The following AIMP1 variants were observed in gnomAD, a reference collection of about 807,000 sequenced individuals.
The protein encoded by AIMP1 is aminoacyl tRNA synthetase complex interacting multifunctional protein 1, also known as aminoacyl tRNA synthase complex-interacting multifunctional protein 1.
In AIMP1, 24 loss-of-function variants were observed where a neutral mutation model predicts 33.1. That is an observed-to-expected ratio of 0.73 (90% confidence interval 0.53 to 1.02). The LOEUF (loss-of-function observed/expected upper bound fraction) is 1.02. Ranked by LOEUF, AIMP1 falls within the 50% of genes least tolerant of loss-of-function variation. AIMP1 has a pLI of 0.00. For synonymous variants in AIMP1, 120 were observed against 121.5 expected (o/e 0.99, Z 0.08); for missense variants, 367 against 364.8 (o/e 1.01, Z -0.05).
chr4:106,319,960 C>A (rs1054468744), intron 1 of AIMP1, among the ~76,000 whole-genome samples: 1 of 152,192 alleles, frequency 6.6e-6, no homozygotes, highest in African/African-American at 2.4e-5. Context: ...CTATGTATTA[C>A]ATGAGGCAAA....
At chr4:106,337,650 A>G (rs746041544) in intron 6 of AIMP1, among the ~76,000 whole-genome samples, 25 of 152,300 alleles carry the variant, frequency 1.6e-4, no homozygotes, top group Non-Finnish European at 2.2e-4. Context: ...GGTAGTAGGG[A>G]CACTGCTGTA....
At position 106,336,967 on chromosome 4, in the gene AIMP1, GA is replaced by G. The variant is rs1287521576; in HGVS notation, c.706del (p.Ile236LeufsTer29). ...AMVMCASSPE[K>X]IEILAPPNGS... Reference sequence around the variant, plus strand: ...TGGTCATGTGTGCTAGTTCACCAGAGAAAATTGAAATCTTGGCTCCTCCAAA... The same window carrying G: ...TGGTCATGTGTGCTAGTTCACCAGAGAAATTGAAATCTTGGCTCCTCCAAA... On this transcript the variant is annotated frameshift_variant, in exon 6 of 7. Transcript: ENST00000672341. LOFTEE classifies it high-confidence loss of function. 18 of 1,614,106 alleles carry G rather than the reference GA, an allele frequency of 1.1e-5. No individual in the cohort carries two copies. Among genetic ancestry groups the G allele is most frequent in the Non-Finnish European group, 1.5e-5 (18 of 1,179,990 alleles).
rs1021789072 is a variant in AIMP1, at chr4:106,347,747, A to C, written c.*55A>C. On this transcript the variant is annotated 3_prime_UTR_variant, in exon 7 of 7. Transcript: ENST00000672341. Reference sequence around the variant, plus strand: ...AAAACCTTAAAAGTAATAAAGAGAAATATATTTGTCACTTATACCTAAAAT... The same window carrying C: ...AAAACCTTAAAAGTAATAAAGAGAACTATATTTGTCACTTATACCTAAAAT... 7 of 1,558,248 alleles carry C rather than the reference A, an allele frequency of 4.5e-6. No individual in the cohort carries two copies. The African/African-American group carries it at 9.6e-5, about 21-fold the overall frequency.
At chr4:106,326,424 A>T (rs1241933795) in intron 2 of AIMP1, among the ~76,000 whole-genome samples, 2 of 152,172 alleles carry the variant, frequency 1.3e-5, no homozygotes, top group Admixed American at 1.3e-4. Flanking sequence ...TGCCAGTACT[A>T]ACAATCAAAA....
At chr4:106,336,491 T>A (rs1409412105) in intron 5 of AIMP1, among the ~76,000 whole-genome samples, 3 of 152,218 alleles carry the variant, frequency 2.0e-5, no homozygotes, top group African/African-American at 7.2e-5. Context: ...ATTTAATCCT[T>A]ATGACAACTC....
chr4:106,335,484 G>T lies in AIMP1; in HGVS notation c.604-1385G>T, dbSNP rs562882293. On this transcript the variant is annotated intron_variant, in intron 5 of 6. Transcript: ENST00000672341. ...ACTAGTAAACATTCTATAAAGTAGG[G>T]ACACTTAGAATTCAAAATTATATAC... 5.9e-5 allele frequency among the ~76,000 whole-genome samples: 9 copies of T among 151,988 alleles called. No individual in the cohort carries two copies. The South Asian group carries it at 1.9e-3, about 32-fold the overall frequency.
At chr4:106,325,173 T>C in intron 2 of AIMP1, 55 bp downstream of exon 2, 1 of 1,451,570 alleles carries the variant, frequency 6.9e-7, no homozygotes, top group Non-Finnish European at 9.5e-7. Context: ...CATACATTGA[T>C]GGAGAAAAAA....
intron 1 of AIMP1, among the ~76,000 whole-genome samples, chr4:106,317,508 A>G (rs1037838730): frequency 6.6e-6 from 1 of 152,186 alleles, no homozygotes; most frequent in East Asian, 1.9e-4. Context: ...GTGGTAGGAG[A>G]AAGGAGACCA....
At chr4:106,345,851 A>AAATATAAAATATATTTTATATTCCT (rs1561034286) in intron 6 of AIMP1, among the ~76,000 whole-genome samples, 6 of 148,272 alleles carry the variant, frequency 4.0e-5, no homozygotes, top group Non-Finnish European at 8.9e-5. Context: ...TATAAAATAT[A>AAATATAAAATATATTTTATATTCCT]AATATAAAAT....
At chr4:106,347,287 TATA>T (rs1283552706) in intron 6 of AIMP1, among the ~76,000 whole-genome samples, 1 of 152,118 alleles carries the variant, frequency 6.6e-6, no homozygotes, top group Non-Finnish European at 1.5e-5. Flanking sequence ...ACTTATAAAA[TATA>T]AGAGTAAAAT....
chr4:106,326,676 CTTGTG>C (rs1769463162), intron 2 of AIMP1, among the ~76,000 whole-genome samples: 1 of 151,956 alleles, frequency 6.6e-6, no homozygotes, highest in Non-Finnish European at 1.5e-5. Flanking sequence ...ATAGTTTTTG[CTTGTG>C]TGGTAACATC....
chr4:106,338,611 A>T (rs548117167), intron 6 of AIMP1, among the ~76,000 whole-genome samples: 9 of 152,160 alleles, frequency 5.9e-5, no homozygotes, highest in Non-Finnish European at 1.0e-4. Context: ...TCCTGGCAGA[A>T]ATTTGCTCTA....
intron 4 of AIMP1, among the ~76,000 whole-genome samples, chr4:106,331,078 A>C (rs1769655576): frequency 6.6e-6 from 1 of 152,214 alleles, no homozygotes; most frequent in African/African-American, 2.4e-5. Context: ...GAAATGGAGA[A>C]ATTAATTATG....
At position 106,328,100 on chromosome 4, in the gene AIMP1, G is replaced by A. The variant is rs749204548; in HGVS notation, c.248G>A (p.Gly83Asp). 4.8e-5 allele frequency: 78 copies of A among 1,612,802 alleles called. No homozygotes were observed. Among genetic ancestry groups the A allele is most frequent in the Admixed American group, 1.0e-4 (6 of 59,922 alleles). Residue 83 changes from glycine (G) to aspartate (D), a missense_variant, in exon 4 of 7, where the codon GGT (glycine) becomes GAT (aspartate). By Grantham distance (94) the Gly-to-Asp change is moderately conservative (BLOSUM62 -1). Coordinates refer to ENST00000672341, the MANE Select transcript of AIMP1 (RefSeq NM_001142416.2). Reference sequence around the variant, plus strand: ...GTGAAGCAAATACCATTTCCATCTGGTACTCCACTGCACGCTAATTCTATG... The same window carrying A: ...GTGAAGCAAATACCATTTCCATCTGATACTCCACTGCACGCTAATTCTATG... ...NGVKQIPFPS[G>D]TPLHANSMVS...
chr4:106,334,692 T>C (rs1021557119), intron 5 of AIMP1, among the ~76,000 whole-genome samples: 2 of 151,944 alleles, frequency 1.3e-5, no homozygotes, highest in Non-Finnish European at 2.9e-5. Context: ...AAGAGAAAAA[T>C]AGGGAAAGAA....
rs576749367 is a variant in AIMP1, at chr4:106,337,670, G to C, written c.772+633G>C. Among the ~76,000 whole-genome samples the C allele has an allele frequency of 3.9e-5, 6 of 152,316 alleles. No homozygotes were observed. The South Asian group carries it at 1.2e-3, about 32-fold the overall frequency. On this transcript the variant is annotated intron_variant, in intron 6 of 6. Coordinates refer to ENST00000672341, the MANE Select transcript of AIMP1 (RefSeq NM_001142416.2). ...TAGGGACACTGCTGTAAAGATATCC[G>C]AAAGTGTGGAAGCGACTTTGGAACT...
chr4:106,346,721 A>T (rs1049856148), intron 6 of AIMP1, among the ~76,000 whole-genome samples: 1 of 152,214 alleles, frequency 6.6e-6, no homozygotes, highest in Admixed American at 6.6e-5. Context: ...ATTTTGAAAC[A>T]TATTAAAGCA....
chr4:106,324,548 C>G (rs1769390831), intron 1 of AIMP1, among the ~76,000 whole-genome samples: 1 of 151,684 alleles, frequency 6.6e-6, no homozygotes, highest in African/African-American at 2.4e-5. Context: ...ACGTTTTCTT[C>G]TTGAAAATTG....
At chr4:106,347,504 G>C in intron 6 of AIMP1, 22 bp from the exon 7 acceptor site, 2 of 1,602,958 alleles carry the variant, frequency 1.2e-6, no homozygotes, top group Non-Finnish European at 1.7e-6. Flanking sequence ...TAATTTTCTT[G>C]TGCTTTTTTT....
Sources: allele counts gnomAD v4.1 joint callset (sites outside exome capture counted in the v4.1 genomes callset), GRCh38; gene constraint gnomAD v4.1.1; transcripts MANE v1.5; gene names NCBI Gene and HGNC (gene_info 2026-07-23, HGNC 2026-07-21).